NLRC5: variants seen among roughly 807,000 people sequenced by gnomAD.
NLRC5 encodes protein NLRC5.
NLRC5 carries 114 observed loss-of-function variants against 206.9 expected under a neutral mutation model. The ratio of observed to expected loss-of-function variants is 0.55; its 90% CI spans 0.47 to 0.64. NLRC5 has a LOEUF of 0.64. Ranked by LOEUF, NLRC5 falls within the 30% of genes least tolerant of loss-of-function variation. The pLI is 0.00. For synonymous variants in NLRC5, 952 were observed against 962.8 expected (o/e 0.99, Z 0.21); for missense variants, 2,008 against 2,305.5 (o/e 0.87, Z 2.64).
chr16:57,032,966 C>T (rs1391125398), intron 11 of NLRC5, among the ~76,000 whole-genome samples: 6 of 152,130 alleles, frequency 3.9e-5, no homozygotes, highest in Non-Finnish European at 7.4e-5. Flanking sequence ...CCACTGCACT[C>T]CAGCTTGGGG....
chr16:57,081,258 C>A, intron 47 of NLRC5, 77 bp downstream of exon 47: 2 of 1,365,936 alleles, frequency 1.5e-6, no homozygotes, highest in South Asian at 1.3e-5. Context: ...GCCACTGGGT[C>A]AGTCCCCTGC....
intron 1 of NLRC5, chr16:57,004,593 C>T (rs2058694533): frequency 6.6e-6 from 1 of 152,272 alleles, no homozygotes; most frequent in African/African-American, 2.4e-5. Context: ...GGTATGCGTG[C>T]ATGTGCACAT....
intron 24 of NLRC5, 127 bp from the exon 25 acceptor site, chr16:57,054,624 T>C: frequency 1.3e-6 from 1 of 762,508 alleles, no homozygotes; most frequent in Admixed American, 1.8e-5. Context: ...TGCCTCTTGA[T>C]CCCCTGCCTG....
chr16:57,067,409 G>A lies in NLRC5; in HGVS notation c.4345G>A (p.Ala1449Thr). 2 of 1,614,240 alleles carry A rather than the reference G, an allele frequency of 1.2e-6. No homozygotes were observed. The highest frequency in any genetic ancestry group is 1.7e-6 in the Non-Finnish European group (2 of 1,180,038). The change falls in exon 35 of 49, where the codon GCC becomes ACC. Residue 1449 changes from alanine (A) to threonine (T), a missense_variant. By Grantham distance (58) the Ala-to-Thr change is moderately conservative. Transcript: ENST00000688547. ...ALRLAHCDLG[A>T]HHSLLVGQLM... ...CAGGTTGGCTCACTGTGACCTTGGA[G>A]CCCACCACAGCCTTCTTGTCGGGCA...
chr16:57,070,820 TG>T (rs1284003784), intron 38 of NLRC5, among the ~76,000 whole-genome samples: 2 of 89,476 alleles, frequency 2.2e-5, no homozygotes, highest in African/African-American at 1.2e-4. Flanking sequence ...TAATGGGGAA[TG>T]GGGTGAGTGA....
At chr16:57,028,050 A>C in intron 6 of NLRC5, 22 bp from the exon 7 acceptor site, 4 of 1,595,158 alleles carry the variant, frequency 2.5e-6, no homozygotes, top group Non-Finnish European at 3.4e-6. Context: ...ATCCTCTGAC[A>C]CTTCGCTTCT....
rs757807193 is a variant in NLRC5 at position 57,025,768 on chromosome 16, G to A, written c.825G>A (p.Glu275=). ...NLITRFLTPS[E]LLFDLYLSPE... is the part of the protein sequence containing the mutation. Reference sequence around the variant, plus strand: ...TCACGAGGTTCCTGACACCGTCCGAGCTCCTTTTTGATCTGTACCTGAGCC... The same window carrying A: ...TCACGAGGTTCCTGACACCGTCCGAACTCCTTTTTGATCTGTACCTGAGCC... Residue 275 remains glutamate, a synonymous_variant, in exon 6 of 49, where the codon GAG becomes GAA. Transcript: ENST00000688547. 1 of 1,614,192 alleles carries A rather than the reference G, an allele frequency of 6.2e-7. No individual in the cohort carries two copies. The highest frequency in any genetic ancestry group is 2.2e-5 in the East Asian group (1 of 44,878).
rs778123896 is a variant in NLRC5 at position 57,069,881 on chromosome 16, A to G, written c.4545A>G (p.Ala1515=). 5 of 1,596,366 alleles carry G rather than the reference A, an allele frequency of 3.1e-6. No homozygotes were observed. The highest frequency in any genetic ancestry group is 4.3e-6 in the Non-Finnish European group (5 of 1,172,316). Residue 1515 remains alanine (A), a synonymous_variant, in exon 37 of 49, where the codon GCA becomes GCG. Transcript: ENST00000688547. ...CVSTEGLAHL[A]SGLGHCHHLE... ...GCACCGAGGGCCTCGCCCACCTGGCATCTGGTCTGGGCCACTGCCACCACT... is the reference window on the plus strand; with the variant it reads ...GCACCGAGGGCCTCGCCCACCTGGCGTCTGGTCTGGGCCACTGCCACCACT...
chr16:57,081,377 C>A (rs2069123801), intron 47 of NLRC5, 150 bp from the exon 48 acceptor site: 1 of 887,136 alleles, frequency 1.1e-6, no homozygotes, highest in East Asian at 2.4e-5. Context: ...CACCTGCCAC[C>A]AGTCCCCTGT....
intron 47 of NLRC5, 79 bp from the exon 48 acceptor site, chr16:57,081,448 G>C: frequency 7.2e-7 from 1 of 1,383,182 alleles, no homozygotes; most frequent in Non-Finnish European, 1.0e-6. Flanking sequence ...CTTGGCCTGA[G>C]GAAGGGACCT....
Position 57,055,019 on chromosome 16 carries a change from C to T in NLRC5, c.3597-13C>T. On this transcript the variant is annotated splice_polypyrimidine_tract_variant and intron_variant, in intron 25 of 48. Transcript: ENST00000688547. ...TGGCCACAGCTGTCTGACCCAGGTC[C>T]TGTCTGATCCAGGTCCCTGCACCAT... The T allele has an allele frequency of 7.4e-6, 12 of 1,614,226 alleles. No individual in the cohort carries two copies. Among genetic ancestry groups the T allele is most frequent in the Non-Finnish European group, 1.0e-5 (12 of 1,180,048 alleles).
At chr16:57,013,888 A>G in intron 1 of NLRC5, 1 of 586,786 alleles carries the variant, frequency 1.7e-6, no homozygotes. Context: ...TTATGATATC[A>G]TATGCAGATT....
Position 57,079,133 on chromosome 16 carries a change from G to T in NLRC5, c.5165G>T (p.Ser1722Ile), listed in dbSNP as rs761087401. ...GGATCCCCCCATTTGGAAGAGATCA[G>T]GTAAGTAGGGGCTGCCCAGCCCAGG... is the stretch of plus-strand genomic sequence containing the variant. Reference protein sequence around the residue: ...LDGSPHLEEISLAENNLAGGV... With the variant: ...LDGSPHLEEIILAENNLAGGV... Residue 1722 changes from serine (S) to isoleucine (I), a missense_variant and splice_region_variant, in exon 44 of 49, where the codon AGC becomes ATC. By Grantham distance (142) the Ser-to-Ile change is moderately radical. Coordinates refer to ENST00000688547, the MANE Select transcript of NLRC5 (RefSeq NM_001384950.1). 6.2e-7 allele frequency: 1 copy of T among 1,614,010 alleles called. No individual in the cohort carries two copies. The highest frequency in any genetic ancestry group is 1.3e-5 in the African/African-American group (1 of 74,950).
chr16:57,019,130 C>A (rs908877912), intron 2 of NLRC5, among the ~76,000 whole-genome samples: 1 of 152,174 alleles, frequency 6.6e-6, no homozygotes, highest in African/African-American at 2.4e-5. Context: ...CATGATGGCT[C>A]ACACCTGTAA....
chr16:57,076,040 A>G (rs142004243), intron 39 of NLRC5: 3,494 of 191,186 alleles, frequency 0.018, 44 homozygotes, highest in Middle Eastern at 0.061. Context: ...CAGCCGCCCA[A>G]GTAGCTGGGA....
chr16:57,064,160 C>T (rs898957029), intron 32 of NLRC5, among the ~76,000 whole-genome samples: 21 of 151,752 alleles, frequency 1.4e-4, no homozygotes, highest in African/African-American at 4.8e-4. Context: ...TGAGCTCAGG[C>T]GTTCAAGACC....
chr16:57,043,066 G>A lies in NLRC5; in HGVS notation c.3114-449G>A, dbSNP rs553573257. Among the ~76,000 whole-genome samples the A allele has an allele frequency of 5.8e-4, 88 of 152,272 alleles. 2 individuals carry two copies. The South Asian group carries it at 0.016, about 28-fold the overall frequency. On this transcript the variant is annotated intron_variant, in intron 19 of 48. Transcript: ENST00000688547. The stretch of plus-strand genomic sequence containing the variant: ...AGTGTCCCCGTGGGAGGGGAGTGTA[G>A]CATTAAATAGTAAATAGAAAACAAT...
chr16:57,057,024 C>T (rs1489772742), intron 27 of NLRC5, among the ~76,000 whole-genome samples: 2 of 152,136 alleles, frequency 1.3e-5, no homozygotes, highest in Non-Finnish European at 2.9e-5. Flanking sequence ...TTTTAAATGA[C>T]GTTTCTCAGG....
At chr16:57,080,034 C>T (rs1352659046) in intron 46 of NLRC5, among the ~76,000 whole-genome samples, 1 of 152,132 alleles carries the variant, frequency 6.6e-6, no homozygotes, top group Non-Finnish European at 1.5e-5. Flanking sequence ...AAGCCACCCC[C>T]AGACCTGCTG....
Sources: gnomAD v4.1 joint callset for allele counts (sites outside exome capture counted in the v4.1 genomes callset) on GRCh38, gnomAD v4.1.1 for gene constraint, MANE v1.5 for transcripts, NCBI Gene and HGNC (gene_info 2026-07-23, HGNC 2026-07-21) for gene names.